The following CC2D2A variants were observed in gnomAD, a reference collection of about 807,000 sequenced individuals.
The protein encoded by CC2D2A is coiled-coil and C2 domain-containing protein 2A.
A neutral mutation model predicts 212.9 loss-of-function variants in CC2D2A; 155 were observed. The ratio of observed to expected loss-of-function variants is 0.73; its 90% CI spans 0.64 to 0.83. The LOEUF is 0.83. CC2D2A is among the 40% of genes least tolerant of loss of function. The pLI is 0.00. For synonymous variants in CC2D2A, 667 were observed against 686.5 expected (o/e 0.97, Z 0.44); for missense variants, 1,856 against 1,956.2 (o/e 0.95, Z 0.97).
chr4:15,562,597 T>C (rs1394422231), intron 23 of CC2D2A, among the ~76,000 whole-genome samples: 2 of 152,222 alleles, frequency 1.3e-5, no homozygotes, highest in Admixed American at 6.5e-5. Context: ...ATCAACCCAA[T>C]AGTTACCATT....
intron 6 of CC2D2A, among the ~76,000 whole-genome samples, chr4:15,509,274 A>C (rs1716426695): frequency 7.9e-6 from 1 of 127,320 alleles, no homozygotes; most frequent in Non-Finnish European, 1.7e-5. Flanking sequence ...GGATGAGATA[A>C]CACTTTTTTT....
intron 20 of CC2D2A, among the ~76,000 whole-genome samples, chr4:15,557,073 C>T: frequency 6.6e-6 from 1 of 152,176 alleles, no homozygotes; most frequent in Non-Finnish European, 1.5e-5. Context: ...GAAGCATGAA[C>T]ACCAAAAGTG....
chr4:15,536,454 T>A (rs1001975850), intron 14 of CC2D2A, among the ~76,000 whole-genome samples: 4 of 152,174 alleles, frequency 2.6e-5, no homozygotes, highest in Non-Finnish European at 5.9e-5. Context: ...ACTTAAAGTA[T>A]AATTTTAAAA....
At chr4:15,505,793 T>C (rs1320254740) in intron 6 of CC2D2A, among the ~76,000 whole-genome samples, 1 of 152,112 alleles carries the variant, frequency 6.6e-6, no homozygotes, top group Non-Finnish European at 1.5e-5. Context: ...GAAGAACACA[T>C]GAAATGGAGA....
intron 35 of CC2D2A, among the ~76,000 whole-genome samples, chr4:15,598,798 C>A (rs984763704): frequency 6.6e-6 from 1 of 152,194 alleles, no homozygotes; most frequent in Non-Finnish European, 1.5e-5. Context: ...AGCCCTACTT[C>A]TTACGCCTGT....
Position 15,513,990 on chromosome 4 carries a change from A to C in CC2D2A, c.718-717A>C, listed in dbSNP as rs975762022. ...TGCTCATAAATGGACACCAGGTTTA[A>C]ATTTTTAAAAGAAGGAGAAGGAGAA... On this transcript the variant is annotated intron_variant, in intron 8 of 36. Coordinates refer to ENST00000424120, the MANE Select transcript of CC2D2A (RefSeq NM_001378615.1). Among the ~76,000 whole-genome samples, 3 of 152,230 alleles carry C rather than the reference A, an allele frequency of 2.0e-5. No homozygotes were observed. The East Asian group carries it at 5.8e-4, about 29-fold the overall frequency.
At chr4:15,599,852 TAA>T (rs1721504052) in intron 36 of CC2D2A, 146 bp downstream of exon 36, 4 of 529,296 alleles carry the variant, frequency 7.6e-6, no homozygotes, top group Non-Finnish European at 1.3e-5. Context: ...ACTGTGATCA[TAA>T]GTTTTAAACC....
intron 4 of CC2D2A, among the ~76,000 whole-genome samples, chr4:15,482,660 G>A (rs1714757730): frequency 6.6e-6 from 1 of 152,092 alleles, no homozygotes; most frequent in Admixed American, 6.5e-5. Context: ...AGTCAGATTG[G>A]GGGAGAAGGC....
At chr4:15,551,687 T>C (rs935153263) in intron 18 of CC2D2A, among the ~76,000 whole-genome samples, 2 of 152,192 alleles carry the variant, frequency 1.3e-5, no homozygotes, top group African/African-American at 4.8e-5. Flanking sequence ...AGACTCTCAA[T>C]CATTTCTTTT....
chr4:15,539,125 A>G (rs1718290710), intron 16 of CC2D2A, among the ~76,000 whole-genome samples: 1 of 152,236 alleles, frequency 6.6e-6, no homozygotes, highest in South Asian at 2.1e-4. Flanking sequence ...TAGCCAGATA[A>G]TTAAAGTCAA....
Position 15,569,294 on chromosome 4 carries a change from G to A in CC2D2A, c.3400G>A (p.Ala1134Thr). Reference sequence around the variant, plus strand: ...CCCTGGTCATGTGCTGTCTTGCAGGGCTCCTAATGGAGATTATAGCACAGC... The same window carrying A: ...CCCTGGTCATGTGCTGTCTTGCAGGACTCCTAATGGAGATTATAGCACAGC... Reference protein sequence around the residue: ...WNEELELPFRAPNGDYSTASL... With the variant: ...WNEELELPFRTPNGDYSTASL... Residue 1134 changes from alanine (A) to threonine (T), a missense_variant and splice_region_variant, in exon 27 of 37, where the codon GCT becomes ACT. Physicochemically the swap from Ala to Thr is moderately conservative, Grantham distance 58. Transcript: ENST00000424120. 6.4e-7 allele frequency: 1 copy of A among 1,563,300 alleles called. No homozygotes were observed. The highest frequency in any genetic ancestry group is 1.2e-5 in the South Asian group (1 of 85,210).
intron 13 of CC2D2A, among the ~76,000 whole-genome samples, chr4:15,531,737 A>G (rs957317423): frequency 6.6e-6 from 1 of 152,132 alleles, no homozygotes; most frequent in South Asian, 2.1e-4. Flanking sequence ...TCTTGCTAAG[A>G]GCTCTTTTTA....
chr4:15,587,685 A>G, intron 31 of CC2D2A, 131 bp from the exon 32 acceptor site: 1 of 490,174 alleles, frequency 2.0e-6, no homozygotes, highest in South Asian at 3.6e-5. Context: ...CATAGTATCA[A>G]AATTTCGGGC....
At chr4:15,470,412 T>C (rs1713645756) in intron 1 of CC2D2A, among the ~76,000 whole-genome samples, 1 of 152,140 alleles carries the variant, frequency 6.6e-6, no homozygotes, top group Non-Finnish European at 1.5e-5. Flanking sequence ...CACTAATTAC[T>C]GCAAAATACA....
intron 9 of CC2D2A, among the ~76,000 whole-genome samples, chr4:15,515,123 C>A (rs1022838299): frequency 1.5e-4 from 23 of 152,216 alleles, no homozygotes; most frequent in African/African-American, 4.8e-4. Context: ...TGATCCATTA[C>A]AGGGGCTTAG....
Position 15,599,614 on chromosome 4 carries a change from C to T in CC2D2A, c.4582C>T (p.Arg1528Cys), listed in dbSNP as rs118204052. The change falls in exon 36 of 37, where the codon CGT becomes TGT. Residue 1528 changes from arginine to cysteine, a missense_variant. Arg to Cys is a radical substitution (Grantham distance 180, BLOSUM62 -3). Transcript: ENST00000424120. The stretch of plus-strand genomic sequence containing the variant: ...GAATAGGTATTGTACCTCTACTCTG[C>T]GTCACTTCTTGCCTCTGTTAGAAAA... ...RWNRYCTSTLRHFLPLLEKSQ... is the reference protein window; with the variant it reads ...RWNRYCTSTLCHFLPLLEKSQ... 48 of 1,612,876 alleles carry T rather than the reference C, an allele frequency of 3.0e-5. No individual in the cohort carries two copies. Among genetic ancestry groups the T allele is most frequent in the Non-Finnish European group, 3.5e-5 (41 of 1,179,200 alleles).
chr4:15,492,071 C>G (rs887838511), intron 4 of CC2D2A, among the ~76,000 whole-genome samples: 1 of 152,188 alleles, frequency 6.6e-6, no homozygotes, highest in Non-Finnish European at 1.5e-5. Flanking sequence ...TTTTACTTAA[C>G]TGAAACTGAC....
intron 36 of CC2D2A, 108 bp downstream of exon 36, chr4:15,599,814 T>G: frequency 1.3e-6 from 1 of 783,630 alleles, no homozygotes; most frequent in Non-Finnish European, 1.9e-6. Context: ...CTCCCAGAAG[T>G]ACATATTTAA....
chr4:15,504,006 G>A (rs1260486040), intron 6 of CC2D2A, among the ~76,000 whole-genome samples: 2 of 152,194 alleles, frequency 1.3e-5, no homozygotes, highest in African/African-American at 4.8e-5. Context: ...AATGGCTCAG[G>A]AGGTGTTTGC....
Sources: gnomAD v4.1 joint callset for allele counts (sites outside exome capture counted in the v4.1 genomes callset) on GRCh38, gnomAD v4.1.1 for gene constraint, MANE v1.5 for transcripts, NCBI Gene and HGNC (gene_info 2026-07-23, HGNC 2026-07-21) for gene names.